ZBED6: variants seen among roughly 807,000 people sequenced by gnomAD.
ZBED6 encodes zinc finger BED-type containing 6.
A neutral mutation model predicts 58.4 loss-of-function variants in ZBED6; 40 were observed. That is an observed-to-expected ratio of 0.68 (90% confidence interval 0.53 to 0.89). The LOEUF (loss-of-function observed/expected upper bound fraction) is 0.89. Ranked by LOEUF, ZBED6 falls within the 40% of genes least tolerant of loss-of-function variation. The pLI is 0.00. For synonymous variants in ZBED6, 439 were observed against 350.6 expected (o/e 1.25, Z -2.82); for missense variants, 1,057 against 1,003.9 (o/e 1.05, Z -0.71).
At chr1:203,805,182 G>A (rs1671885631) in intron 1 of ZBED6, among the ~76,000 whole-genome samples, 1 of 143,808 alleles carries the variant, frequency 7.0e-6, no homozygotes, top group African/African-American at 2.6e-5. Flanking sequence ...TTGCTCTGTC[G>A]CCCAGGCTGT....
chr1:203,817,231 C>T, intron 2 of ZBED6, 107 bp downstream of exon 2: 2 of 872,634 alleles, frequency 2.3e-6, no homozygotes, highest in African/African-American at 1.8e-5. Flanking sequence ...ATATTTTTTG[C>T]CCAACTTTAT....
exon 12 of ZBED6, chr1:203,847,356 C>T (rs1688172202): frequency 6.2e-7 from 1 of 1,613,752 alleles, no homozygotes; most frequent in South Asian, 1.1e-5. Context: ...GTATCAAAAC[C>T]TTCTCTGAGG....
intron 11 of ZBED6, among the ~76,000 whole-genome samples, chr1:203,846,250 C>T (rs1558142840): frequency 6.7e-6 from 1 of 150,232 alleles, no homozygotes. Flanking sequence ...AGCACTATCT[C>T]TTTTCATTAT....
chr1:203,852,684 G>T, exon 17 of ZBED6: 1 of 432,052 alleles, frequency 2.3e-6, no homozygotes, highest in Admixed American at 4.0e-5. Context: ...GGGAGATCAA[G>T]TGAAAGGGTG....
At chr1:203,805,604 A>G in intron 1 of ZBED6, 2 of 642,534 alleles carry the variant, frequency 3.1e-6, no homozygotes, top group Non-Finnish European at 6.0e-6. Flanking sequence ...TACATGATGT[A>G]CTTAAATGCA....
chr1:203,799,868 T>A (rs1293747096), exon 1 of ZBED6: 1 of 1,535,486 alleles, frequency 6.5e-7, no homozygotes, highest in Non-Finnish European at 8.7e-7. Context: ...AAGACTTTTT[T>A]CCTCAAGGTG....
chr1:203,806,810 G>A (rs991672687), intron 1 of ZBED6, among the ~76,000 whole-genome samples: 2 of 141,572 alleles, frequency 1.4e-5, no homozygotes, highest in African/African-American at 5.2e-5. Context: ...TTTGTTGAGT[G>A]GATATTGCAC....
chr1:203,838,507 A>G (rs368072409), intron 10 of ZBED6, among the ~76,000 whole-genome samples: 1 of 152,258 alleles, frequency 6.6e-6, no homozygotes, highest in East Asian at 1.9e-4. Flanking sequence ...TAACTCCTGC[A>G]AAGGCAGAGC....
intron 15 of ZBED6, 71 bp downstream of exon 15, chr1:203,850,752 T>C: frequency 6.5e-7 from 1 of 1,546,938 alleles, no homozygotes; most frequent in Non-Finnish European, 8.8e-7. Context: ...AACTCTCCAC[T>C]AGCATTCTAT....
chr1:203,818,836 G>A, intron 3 of ZBED6, 147 bp downstream of exon 3: 1 of 1,258,820 alleles, frequency 7.9e-7, no homozygotes, highest in Non-Finnish European at 1.1e-6. Flanking sequence ...TTGGGAGGCT[G>A]AGGCGGGTAG....
chr1:203,841,843 C>T (rs1294462279), intron 11 of ZBED6, among the ~76,000 whole-genome samples: 4 of 149,444 alleles, frequency 2.7e-5, no homozygotes, highest in African/African-American at 7.4e-5. Flanking sequence ...ACTTCGCAGA[C>T]GGGGCGGCTG....
At chr1:203,815,022 G>T (rs1236752139) in intron 1 of ZBED6, 2 of 151,678 alleles carry the variant, frequency 1.3e-5, no homozygotes, top group Non-Finnish European at 2.9e-5. Flanking sequence ...TAGAGATGGG[G>T]TTTCGCCATG....
intron 1 of ZBED6, among the ~76,000 whole-genome samples, chr1:203,806,734 A>C (rs1672475466): frequency 6.6e-6 from 1 of 151,324 alleles, no homozygotes; most frequent in Non-Finnish European, 1.5e-5. Flanking sequence ...ACCATATTGC[A>C]TATGCTGATG....
intron 10 of ZBED6, among the ~76,000 whole-genome samples, chr1:203,838,326 CAG>C (rs1362924796): frequency 6.6e-5 from 10 of 152,078 alleles, no homozygotes; most frequent in African/African-American, 2.4e-4. Flanking sequence ...AATTTTGTAA[CAG>C]AGAAAAGTAC....
intron 1 of ZBED6, among the ~76,000 whole-genome samples, chr1:203,816,532 G>A (rs955033072): frequency 6.6e-6 from 1 of 152,154 alleles, no homozygotes; most frequent in Non-Finnish European, 1.5e-5. Flanking sequence ...GGGGGAGGCT[G>A]AGGTGGGAGA....
intron 11 of ZBED6, among the ~76,000 whole-genome samples, chr1:203,843,263 T>C (rs573986658): frequency 2.6e-5 from 4 of 152,222 alleles, no homozygotes; most frequent in Admixed American, 6.5e-5. Context: ...AAATACTGAT[T>C]CAGTAAATAC....
At chr1:203,832,930 A>G (rs1355295615) in intron 8 of ZBED6, among the ~76,000 whole-genome samples, 3 of 152,288 alleles carry the variant, frequency 2.0e-5, no homozygotes, top group South Asian at 4.1e-4. Context: ...CTCGACTGCT[A>G]TTAATAATTA....
chr1:203,829,741 ATTT>A, intron 5 of ZBED6, 36 bp from the exon 6 acceptor site: 1 of 1,612,578 alleles, frequency 6.2e-7, no homozygotes. Context: ...CTATAGGCGT[ATTT>A]TTAATTGTGA....
exon 1 of ZBED6, chr1:203,798,681 G>A: frequency 6.5e-7 from 1 of 1,536,128 alleles, no homozygotes; most frequent in Non-Finnish European, 8.7e-7. Context: ...TCCCGTTGCA[G>A]AGCAAGGCAC....
Sources: allele counts gnomAD v4.1 joint callset (sites outside exome capture counted in the v4.1 genomes callset), GRCh38; gene constraint gnomAD v4.1.1; transcripts MANE v1.5; gene names NCBI Gene and HGNC (gene_info 2026-07-23, HGNC 2026-07-21).